Variants in SEMA5A observed in about 807,000 individuals in gnomAD.
SEMA5A encodes semaphorin 5A, also known as semaphorin-5A.
Under a neutral mutation model 135.5 loss-of-function variants are expected in SEMA5A, and 55 were observed. The observed-to-expected ratio is 0.41, with a 90% CI of 0.33 to 0.51. The LOEUF is 0.51. SEMA5A is among the 20% of genes least tolerant of loss of function. SEMA5A has a pLI of 0.37. For synonymous variants in SEMA5A, 580 were observed against 546.5 expected (o/e 1.06, Z -0.85); for missense variants, 1,290 against 1,419.9 (o/e 0.91, Z 1.47).
chr5:9,411,134 A>T (rs1021059295), intron 2 of SEMA5A, among the ~76,000 whole-genome samples: 2 of 152,206 alleles, frequency 1.3e-5, no homozygotes, highest in Non-Finnish European at 1.5e-5. Flanking sequence ...GACCTACCCC[A>T]GGCAAAAGAA....
intron 13 of SEMA5A, among the ~76,000 whole-genome samples, chr5:9,127,145 A>T (rs1295814625): frequency 6.6e-6 from 1 of 152,206 alleles, no homozygotes. Flanking sequence ...ATTACATAAA[A>T]CAGGTTAGCC....
intron 5 of SEMA5A, among the ~76,000 whole-genome samples, chr5:9,252,632 G>A (rs939611487): frequency 3.9e-5 from 6 of 152,182 alleles, no homozygotes; most frequent in Admixed American, 1.3e-4. Context: ...TGGTAAGCAT[G>A]GAGGTCATCA....
intron 3 of SEMA5A, among the ~76,000 whole-genome samples, chr5:9,378,344 C>A (rs572633142): frequency 2.0e-5 from 3 of 152,128 alleles, no homozygotes; most frequent in South Asian, 2.1e-4. Context: ...ATTAAATGAG[C>A]AAAATAATAA....
At chr5:9,347,054 A>G (rs186931575) in intron 3 of SEMA5A, among the ~76,000 whole-genome samples, 103 of 152,312 alleles carry the variant, frequency 6.8e-4, no homozygotes, top group South Asian at 5.4e-3. Context: ...ACTTTTAAAA[A>G]ACAAAAATAT....
intron 16 of SEMA5A, among the ~76,000 whole-genome samples, chr5:9,076,354 G>C (rs758010853): frequency 1.3e-5 from 2 of 151,946 alleles, no homozygotes; most frequent in African/African-American, 4.8e-5. Flanking sequence ...GCCAAAAAAA[G>C]TTGATCACAT....
At chr5:9,100,045 G>A (rs1367258829) in intron 16 of SEMA5A, among the ~76,000 whole-genome samples, 5 of 152,192 alleles carry the variant, frequency 3.3e-5, no homozygotes, top group South Asian at 2.1e-4. Context: ...TGGAGAAGCC[G>A]TGTGCTAAAT....
chr5:9,258,492 G>A (rs535839031), intron 5 of SEMA5A, among the ~76,000 whole-genome samples: 34 of 151,864 alleles, frequency 2.2e-4, no homozygotes, highest in Non-Finnish European at 4.6e-4. Flanking sequence ...CAATGCACTG[G>A]CTCTCTCTCT....
At chr5:9,510,509 A>C (rs571003254) in intron 1 of SEMA5A, among the ~76,000 whole-genome samples, 1 of 152,202 alleles carries the variant, frequency 6.6e-6, no homozygotes, top group Non-Finnish European at 1.5e-5. Context: ...TCTTTTACAT[A>C]GCATTGTAAA....
At chr5:9,223,425 A>AG (rs1747113229) in intron 8 of SEMA5A, among the ~76,000 whole-genome samples, 2 of 152,180 alleles carry the variant, frequency 1.3e-5, no homozygotes, top group Admixed American at 1.3e-4. Flanking sequence ...CCCCCCTCCC[A>AG]GGGGGTACTG....
intron 2 of SEMA5A, among the ~76,000 whole-genome samples, chr5:9,436,931 TGGTGG>T (rs1758052809): frequency 7.0e-6 from 1 of 142,830 alleles, no homozygotes; most frequent in African/African-American, 2.5e-5. Context: ...GCACGATTCG[TGGTGG>T]GAACAGATCA....
At chr5:9,083,394 G>C (rs1738496792) in intron 16 of SEMA5A, among the ~76,000 whole-genome samples, 1 of 152,032 alleles carries the variant, frequency 6.6e-6, no homozygotes, top group Admixed American at 6.6e-5. Flanking sequence ...AAATAACTCA[G>C]GTTATTTAAT....
At chr5:9,071,549 A>C (rs550158486) in intron 16 of SEMA5A, among the ~76,000 whole-genome samples, 10 of 152,304 alleles carry the variant, frequency 6.6e-5, no homozygotes, top group African/African-American at 2.4e-4. Context: ...CTGAGATGAA[A>C]TTTGCATACA....
intron 16 of SEMA5A, among the ~76,000 whole-genome samples, chr5:9,079,763 A>G (rs993624573): frequency 1.6e-4 from 25 of 152,214 alleles, no homozygotes; most frequent in Non-Finnish European, 4.4e-5. Context: ...TCTCAAAAGA[A>G]GACATTTATG....
intron 10 of SEMA5A, among the ~76,000 whole-genome samples, chr5:9,192,887 T>A (rs40696): frequency 0.99 from 150,821 of 152,188 alleles, 74,749 homozygotes; most frequent in East Asian, 1. Flanking sequence ...AATTGGTATC[T>A]TGAAAACCGG....
chr5:9,087,889 T>C (rs1440774179), intron 16 of SEMA5A, among the ~76,000 whole-genome samples: 2 of 152,216 alleles, frequency 1.3e-5, no homozygotes, highest in African/African-American at 2.4e-5. Flanking sequence ...CTAGGAAACA[T>C]TGCAAAATTT....
Position 9,362,459 on chromosome 5 carries a change from C to A in SEMA5A, c.124+17364G>T, listed in dbSNP as rs367810892. Among the ~76,000 whole-genome samples the A allele has an allele frequency of 3.9e-5, 6 of 152,102 alleles. No homozygotes were observed. The East Asian group carries it at 7.7e-4, about 20-fold the overall frequency. On this transcript the variant is annotated intron_variant, in intron 3 of 22. Transcript: ENST00000382496. ...TCTTCTGTATGTTTTCACCTCAATT[C>A]CAGAGTAACTAGAAATACTACCCTA... is the stretch of plus-strand genomic sequence containing the variant.
intron 16 of SEMA5A, among the ~76,000 whole-genome samples, chr5:9,087,680 T>C (rs996506794): frequency 2.0e-5 from 3 of 152,076 alleles, no homozygotes; most frequent in East Asian, 1.9e-4. Flanking sequence ...TCATAACTTA[T>C]AATGGAGGTC....
At chr5:9,055,147 C>T (rs1261709896) in intron 18 of SEMA5A, among the ~76,000 whole-genome samples, 1 of 152,150 alleles carries the variant, frequency 6.6e-6, no homozygotes, top group African/African-American at 2.4e-5. Context: ...CCTTTATTAG[C>T]TGATCTTGCT....
intron 1 of SEMA5A, among the ~76,000 whole-genome samples, chr5:9,511,793 T>C (rs892155246): frequency 6.6e-6 from 1 of 152,186 alleles, no homozygotes; most frequent in Non-Finnish European, 1.5e-5. Flanking sequence ...CAAAACAGCA[T>C]GTTGAACACT....
Sources: allele counts gnomAD v4.1 joint callset (sites outside exome capture counted in the v4.1 genomes callset), GRCh38; gene constraint gnomAD v4.1.1; transcripts MANE v1.5; gene names NCBI Gene and HGNC (gene_info 2026-07-23, HGNC 2026-07-21).